The following SPOPL variants were observed in gnomAD, a reference collection of about 807,000 sequenced individuals.
SPOPL encodes speckle-type POZ protein-like.
Under a neutral mutation model 53.8 loss-of-function variants are expected in SPOPL, and 23 were observed. The observed-to-expected ratio is 0.43, with a 90% CI of 0.31 to 0.61. The LOEUF (loss-of-function observed/expected upper bound fraction) is 0.61. Among genes scored for constraint, SPOPL ranks in the 20% least tolerant of loss-of-function variants. SPOPL has a pLI of 0.12. For missense variants in SPOPL, 442 were observed against 466.9 expected (o/e 0.95, Z 0.49); for synonymous variants, 164 against 149.7 (o/e 1.10, Z -0.70).
In SPOPL at chr2:138,565,938, G is replaced by T. The variant is rs576069361; in HGVS notation, c.1034+945G>T. On this transcript the variant is annotated intron_variant, in intron 10 of 10. Coordinates refer to ENST00000280098, the MANE Select transcript of SPOPL (RefSeq NM_001001664.3). ...TTTAGCAGAGACGGGTTTTCACCGT[G>T]GTAGCCAGGATGGTCTCGATCTCCT... 2.2e-4 allele frequency among the ~76,000 whole-genome samples: 34 copies of T among 152,088 alleles called. No homozygotes were observed. In the South Asian group the frequency reaches 7.1e-3, roughly 32 times the overall value.
rs1053937525 is a variant in SPOPL, at chr2:138,509,929, A to G, written c.-61+7810A>G. On this transcript the variant is annotated intron_variant, in intron 1 of 10. Coordinates refer to ENST00000280098, the MANE Select transcript of SPOPL (RefSeq NM_001001664.3). ...GGTCTATTCATTCTTCCTTCCTGCA[A>G]CCCCTGACAACCATTGATCTTTTTA... 7.2e-5 allele frequency among the ~76,000 whole-genome samples: 11 copies of G among 152,208 alleles called. 1 individual carries two copies. The highest frequency in any genetic ancestry group is 3.3e-4 in the Admixed American group (5 of 15,284).
At chr2:138,550,362 T>C (rs911184953) in intron 2 of SPOPL, 68 bp downstream of exon 2, 2 of 1,597,812 alleles carry the variant, frequency 1.3e-6, no homozygotes, top group African/African-American at 2.7e-5. Context: ...AGAATAGTAT[T>C]GTGAAACACT....
intron 10 of SPOPL, among the ~76,000 whole-genome samples, chr2:138,567,159 A>AT (rs1203792940): frequency 6.6e-6 from 1 of 152,186 alleles, no homozygotes; most frequent in Non-Finnish European, 1.5e-5. Flanking sequence ...TAAACAGCTA[A>AT]TTGCAGTAAA....
At chr2:138,556,938 C>T (rs1256775980) in intron 5 of SPOPL, among the ~76,000 whole-genome samples, 6 of 152,198 alleles carry the variant, frequency 3.9e-5, no homozygotes, top group South Asian at 2.1e-4. Flanking sequence ...GGGTAGATCA[C>T]GAGGTCAAGA....
intron 1 of SPOPL, among the ~76,000 whole-genome samples, chr2:138,517,935 C>A (rs1376011588): frequency 6.7e-6 from 1 of 149,132 alleles, no homozygotes; most frequent in African/African-American, 2.5e-5. Context: ...GTAATCCCAG[C>A]AACTTGCAGG....
chr2:138,561,337 T>C (rs1685544189), intron 8 of SPOPL, among the ~76,000 whole-genome samples: 1 of 152,212 alleles, frequency 6.6e-6, no homozygotes, highest in Non-Finnish European at 1.5e-5. Context: ...TTTTTTATTA[T>C]GACAGCATAG....
At position 138,559,160 on chromosome 2, in the gene SPOPL, A is replaced by G. The variant is rs770920106; in HGVS notation, c.619A>G (p.Arg207Gly). The G allele has an allele frequency of 1.1e-5, 18 of 1,613,588 alleles. No individual in the cohort carries two copies. The African/African-American group carries it at 2.4e-4, about 22-fold the overall frequency. ...TRFTDCSFFVRGQEFKAHKSV... is the reference protein window; with the variant it reads ...TRFTDCSFFVGGQEFKAHKSV... The stretch of plus-strand genomic sequence containing the variant: ...ATTTACAGACTGCAGTTTTTTCGTG[A>G]GAGGACAAGAATTTAAAGCTCATAA... The change falls in exon 6 of 11, where the codon AGA becomes GGA. Residue 207 changes from arginine to glycine, a missense_variant. Coordinates refer to ENST00000280098, the MANE Select transcript of SPOPL (RefSeq NM_001001664.3).
At chr2:138,564,622 C>T in intron 8 of SPOPL, 86 bp from the exon 9 acceptor site, 8 of 1,408,234 alleles carry the variant, frequency 5.7e-6, no homozygotes, top group Admixed American at 2.1e-5. Context: ...TCTATTTTAC[C>T]CTTATTTTCC....
At chr2:138,542,007 T>G (rs1308412415) in intron 1 of SPOPL, among the ~76,000 whole-genome samples, 1 of 152,218 alleles carries the variant, frequency 6.6e-6, no homozygotes, top group Non-Finnish European at 1.5e-5. Context: ...CAGTAGTCAT[T>G]AAGGAGCAGG....
chr2:138,509,142 G>A (rs987866262), intron 1 of SPOPL, among the ~76,000 whole-genome samples: 1 of 152,078 alleles, frequency 6.6e-6, no homozygotes, highest in African/African-American at 2.4e-5. Context: ...AGGTTAGATA[G>A]GAGATACGTA....
chr2:138,509,571 C>G (rs1684285437), intron 1 of SPOPL, among the ~76,000 whole-genome samples: 1 of 151,514 alleles, frequency 6.6e-6, no homozygotes, highest in Admixed American at 6.7e-5. Flanking sequence ...CTCCTCGAAC[C>G]CCCCAGTTAG....
At chr2:138,558,888 A>G (rs1435843556) in intron 5 of SPOPL, 134 bp from the exon 6 acceptor site, 2 of 561,592 alleles carry the variant, frequency 3.6e-6, no homozygotes, top group Non-Finnish European at 5.6e-6. Flanking sequence ...CAGTTTCTGG[A>G]TATTAGAAAT....
intron 1 of SPOPL, among the ~76,000 whole-genome samples, chr2:138,544,596 G>A (rs555029534): frequency 6.6e-6 from 1 of 152,196 alleles, no homozygotes. Context: ...CACAGTATTA[G>A]GGTGGGAGTG....
At chr2:138,568,042 T>G (rs1035314467) in intron 10 of SPOPL, among the ~76,000 whole-genome samples, 1 of 152,130 alleles carries the variant, frequency 6.6e-6, no homozygotes, top group African/African-American at 2.4e-5. Flanking sequence ...TGTATTTCTC[T>G]TTCTAAAAAA....
intron 1 of SPOPL, among the ~76,000 whole-genome samples, chr2:138,544,733 C>T (rs764800189): frequency 1.3e-5 from 2 of 152,204 alleles, no homozygotes; most frequent in Non-Finnish European, 2.9e-5. Flanking sequence ...TGCGCTGCAC[C>T]CACTGTCCTG....
intron 1 of SPOPL, among the ~76,000 whole-genome samples, chr2:138,524,058 C>T (rs893362419): frequency 1.3e-5 from 2 of 152,192 alleles, no homozygotes; most frequent in Non-Finnish European, 2.9e-5. Context: ...AGAGCCCCAC[C>T]CCTGCAGCAA....
chr2:138,523,214 A>C (rs534731144), intron 1 of SPOPL, among the ~76,000 whole-genome samples: 8 of 152,308 alleles, frequency 5.3e-5, no homozygotes, highest in Middle Eastern at 3.4e-3. Context: ...CTCACATGAC[A>C]GCAGACAAGA....
chr2:138,567,124 C>T (rs777754992), intron 10 of SPOPL, among the ~76,000 whole-genome samples: 5 of 152,078 alleles, frequency 3.3e-5, no homozygotes, highest in African/African-American at 9.7e-5. Context: ...CCTGCCTTCA[C>T]GGAGTTTATG....
At chr2:138,546,978 A>ATTTT (rs1481835785) in intron 1 of SPOPL, among the ~76,000 whole-genome samples, 1 of 151,840 alleles carries the variant, frequency 6.6e-6, no homozygotes, top group African/African-American at 2.4e-5. Flanking sequence ...ATTTTATTTT[A>ATTTT]TTTTTGAGAT....
Sources: gnomAD v4.1 joint callset for allele counts (sites outside exome capture counted in the v4.1 genomes callset) on GRCh38, gnomAD v4.1.1 for gene constraint, MANE v1.5 for transcripts, NCBI Gene and HGNC (gene_info 2026-07-23, HGNC 2026-07-21) for gene names.